The following ZNF736 variants were observed in gnomAD, a reference collection of about 807,000 sequenced individuals.
ZNF736 encodes KRAB-containing zinc-finger repressor protein.
In ZNF736, 6 loss-of-function variants were observed where a neutral mutation model predicts 11.7. That is an observed-to-expected ratio of 0.51 (90% CI 0.28 to 1.01). The LOEUF (loss-of-function observed/expected upper bound fraction) is 1.01, where lower values mean the gene tolerates loss of function less well. ZNF736 is among the 50% of genes least tolerant of loss of function. The pLI is 0.09. For synonymous variants in ZNF736, 139 were observed against 164.7 expected, an observed-to-expected ratio of 0.84 and a Z score of 1.19; for missense variants, 444 against 496.0, an observed-to-expected ratio of 0.90 and a Z score of 1.00.
chr7:64,342,444 C>G (rs1444937082), intron 3 of ZNF736, among the ~76,000 whole-genome samples: 1 of 152,046 alleles, frequency 6.6e-6, no homozygotes, highest in African/African-American at 2.4e-5. Context: ...ATGACAATTG[C>G]CTCTACTGTG....
intron 1 of ZNF736, among the ~76,000 whole-genome samples, chr7:64,329,320 A>C (rs555375580): frequency 6.6e-6 from 1 of 151,816 alleles, no homozygotes; most frequent in Non-Finnish European, 1.5e-5. Context: ...TGTTCATTGA[A>C]GTCTGGGCAT....
rs1414966299 is a variant in ZNF736, at chr7:64,347,884, C to G, written c.227-206C>G. On this transcript the variant is annotated intron_variant, in intron 3 of 3. Transcript: ENST00000423484. ...TATGTGGTTCTTGGCGTTTTGCTCA[C>G]TTGGTGTGCCGCAAATGCTTAACTG... Among the ~76,000 whole-genome samples, 4 of 152,192 alleles carry G rather than the reference C, an allele frequency of 2.6e-5. No individual in the cohort carries two copies. The East Asian group carries it at 7.7e-4, about 29-fold the overall frequency.
rs1408764142 is a variant in ZNF736, at chr7:64,319,488, C to CTTTTTTTT, written c.3+5335_3+5336insTTTTTTTT. ...CCAGGTAAATAGAAAACATTTCTTCCCTTTTTTTTTTTTTTTTTTTTTTTT... is the reference window on the plus strand; with the variant it reads ...CCAGGTAAATAGAAAACATTTCTTCCTTTTTTTTCTTTTTTTTTTTTTTTTTTTTTTTT... On this transcript the variant is annotated intron_variant, in intron 1 of 3. Transcript: ENST00000423484. 1.6e-4 allele frequency among the ~76,000 whole-genome samples: 12 copies of CTTTTTTTT among 75,266 alleles called. 5 individuals are homozygous for CTTTTTTTT. The highest frequency in any genetic ancestry group is 5.3e-4 in the Admixed American group (3 of 5,650). 49.4% of individuals were successfully genotyped at this position (75,266 alleles called of 152,430 possible).
intron 1 of ZNF736, among the ~76,000 whole-genome samples, chr7:64,323,665 A>T (rs980076554): frequency 6.6e-6 from 1 of 152,148 alleles, no homozygotes; most frequent in Non-Finnish European, 1.5e-5. Context: ...GCATGCTCTC[A>T]TACTAATAAG....
Position 64,348,356 on chromosome 7 carries a change from G to A in ZNF736, c.493G>A (p.Asp165Asn), listed in dbSNP as rs1330500842. 2.1e-5 allele frequency: 33 copies of A among 1,551,272 alleles called. No homozygotes were observed. Among genetic ancestry groups the A allele is most frequent in the Admixed American group, 5.9e-5 (3 of 50,970 alleles). ...QLCSIFTEHK[D>N]IFSREKCHKC... ...GTGCTCAATCTTCACTGAACATAAA[G>A]ACATTTTTAGCAGAGAGAAATGCCA... The change falls in exon 4 of 4, where the codon GAC becomes AAC. Residue 165 changes from aspartate (D) to asparagine (N), a missense_variant. Asp to Asn is a conservative substitution (Grantham distance 23). Transcript: ENST00000423484.
At chr7:64,333,796 T>C (rs1377525976) in intron 1 of ZNF736, among the ~76,000 whole-genome samples, 1 of 152,200 alleles carries the variant, frequency 6.6e-6, no homozygotes, top group Admixed American at 6.5e-5. Context: ...AAAAATACTT[T>C]AAATTTTATA....
intron 1 of ZNF736, among the ~76,000 whole-genome samples, chr7:64,327,591 T>C (rs1789100028): frequency 6.6e-6 from 1 of 152,206 alleles, no homozygotes; most frequent in Non-Finnish European, 1.5e-5. Context: ...GCTTTCTTGC[T>C]GTTTTGTGGT....
At position 64,355,251 on chromosome 7, in the gene ZNF736, G is replaced by C. The variant is rs1033686251; in HGVS notation, c.*6104G>C. 1.2e-5 allele frequency: 2 copies of C among 171,992 alleles called. No individual in the cohort carries two copies. Among genetic ancestry groups the C allele is most frequent in the Non-Finnish European group, 2.8e-5 (2 of 71,786 alleles). The allele number at this position is 171,992 out of a possible 1,614,324, so 10.7% of individuals were successfully genotyped here. The stretch of plus-strand genomic sequence containing the variant: ...ACACAGGTTAAGAGTATGCACCACA[G>C]GTATCGAAACCTAAAATGCCCTGAA... On this transcript the variant is annotated 3_prime_UTR_variant, in exon 4 of 4. Transcript: ENST00000423484.
chr7:64,335,883 T>C (rs186372744), intron 1 of ZNF736, among the ~76,000 whole-genome samples: 2 of 152,360 alleles, frequency 1.3e-5, no homozygotes, highest in East Asian at 3.9e-4. Context: ...CAAGATCTCC[T>C]GTTCATTGCT....
In ZNF736 at chr7:64,347,895, G is replaced by A. The variant is rs116041315; in HGVS notation, c.227-195G>A. On this transcript the variant is annotated intron_variant, in intron 3 of 3. Coordinates refer to ENST00000423484, the MANE Select transcript of ZNF736 (RefSeq NM_001170905.3). Reference sequence around the variant, plus strand: ...TGGCGTTTTGCTCACTTGGTGTGCCGCAAATGCTTAACTGGTTCTTAGACT... The same window carrying A: ...TGGCGTTTTGCTCACTTGGTGTGCCACAAATGCTTAACTGGTTCTTAGACT... Among the ~76,000 whole-genome samples, 399 of 152,224 alleles carry A rather than the reference G, an allele frequency of 2.6e-3. 1 individual carries two copies. Among genetic ancestry groups the A allele is most frequent in the African/African-American group, 8.7e-3 (363 of 41,546 alleles).
chr7:64,325,081 C>T (rs1472758245), intron 1 of ZNF736, among the ~76,000 whole-genome samples: 1 of 151,982 alleles, frequency 6.6e-6, no homozygotes, highest in Non-Finnish European at 1.5e-5. Flanking sequence ...TATAGATTAA[C>T]CTCCCTCTTA....
chr7:64,314,376 C>G (rs1224915185), intron 1 of ZNF736, among the ~76,000 whole-genome samples: 1 of 152,090 alleles, frequency 6.6e-6, no homozygotes, highest in Non-Finnish European at 1.5e-5. Context: ...TCGAATTTCT[C>G]CCCAGCTCAG....
chr7:64,336,888 TC>T lies in ZNF736; in HGVS notation c.133del (p.Ala46LeufsTer7). Reference protein sequence around the residue: ...ENYGNLVSLGLAIFKPDLMTC... With the variant: ...ENYGNLVSLGXAIFKPDLMTC... ...ATGTTTTTTTTTCTAATAAAACAGG[TC>T]TTGCTATCTTTAAGCCAGACTTGAT... On this transcript the variant is annotated frameshift_variant and splice_region_variant, in exon 3 of 4. Transcript: ENST00000423484. LOFTEE classifies it high-confidence loss of function. 1 of 1,586,046 alleles carries T rather than the reference TC, an allele frequency of 6.3e-7. No individual in the cohort carries two copies. The highest frequency in any genetic ancestry group is 2.3e-5 in the East Asian group (1 of 43,388).
At chr7:64,343,607 A>G (rs893295426) in intron 3 of ZNF736, among the ~76,000 whole-genome samples, 5 of 152,212 alleles carry the variant, frequency 3.3e-5, no homozygotes, top group African/African-American at 4.8e-5. Flanking sequence ...CTCTTTATAA[A>G]TGTGCAGTCA....
Position 64,352,130 on chromosome 7 carries a change from A to G in ZNF736, c.*2983A>G, listed in dbSNP as rs1789496609. 6.6e-6 allele frequency: 1 copy of G among 152,248 alleles called. No homozygotes were observed. The highest frequency in any genetic ancestry group is 2.4e-5 in the African/African-American group (1 of 41,428). The allele number at this position is 152,248 out of a possible 1,614,324, so 9.4% of individuals were successfully genotyped here. The stretch of plus-strand genomic sequence containing the variant: ...TGGAGAACCTGCCTCGTGAGAATAT[A>G]TGAGAACAGGCACTCACGTAACAGT... On this transcript the variant is annotated 3_prime_UTR_variant, in exon 4 of 4. Transcript: ENST00000423484.
At chr7:64,343,846 G>C (rs1312076034) in intron 3 of ZNF736, among the ~76,000 whole-genome samples, 1 of 151,940 alleles carries the variant, frequency 6.6e-6, no homozygotes, top group Non-Finnish European at 1.5e-5. Flanking sequence ...AACAATGTTT[G>C]GACAAAAGTC....
intron 3 of ZNF736, among the ~76,000 whole-genome samples, chr7:64,345,381 G>A (rs1789395866): frequency 1.3e-5 from 2 of 151,928 alleles, no homozygotes; most frequent in Non-Finnish European, 2.9e-5. Flanking sequence ...ACTTTAAGCA[G>A]CATGGACATC....
intron 1 of ZNF736, among the ~76,000 whole-genome samples, chr7:64,329,027 C>G (rs1789121692): frequency 6.6e-6 from 1 of 151,242 alleles, no homozygotes; most frequent in African/African-American, 2.4e-5. Context: ...AATTCTTATG[C>G]TTGATCAGTT....
intron 1 of ZNF736, among the ~76,000 whole-genome samples, chr7:64,332,090 A>G (rs1789177385): frequency 6.6e-6 from 1 of 152,208 alleles, no homozygotes. Flanking sequence ...GGAAGGGATC[A>G]CAGAGAAGGA....
Sources: allele counts gnomAD v4.1 joint callset (sites outside exome capture counted in the v4.1 genomes callset), GRCh38; gene constraint gnomAD v4.1.1; transcripts MANE v1.5; gene names NCBI Gene and HGNC (gene_info 2026-07-23, HGNC 2026-07-21).